The following TBC1D19 variants were observed in gnomAD, a reference collection of about 807,000 sequenced individuals.
The protein encoded by TBC1D19 is TBC1 domain family, member 19.
Under a neutral mutation model 89.0 loss-of-function variants are expected in TBC1D19, and 60 were observed. The observed-to-expected ratio is 0.67, with a 90% CI of 0.55 to 0.84. The LOEUF is 0.84. Ranked by LOEUF, TBC1D19 falls within the 40% of genes least tolerant of loss-of-function variation. The pLI, the probability that TBC1D19 is intolerant of heterozygous loss-of-function variation, is 0.00. For synonymous variants in TBC1D19, 189 were observed against 199.7 expected, an observed-to-expected ratio of 0.95 and a Z score of 0.45; for missense variants, 500 against 610.8, an observed-to-expected ratio of 0.82 and a Z score of 1.91.
intron 13 of TBC1D19, among the ~76,000 whole-genome samples, chr4:26,703,959 T>TGA (rs1715534180): frequency 1.1e-4 from 1 of 8,984 alleles, no homozygotes; most frequent in Non-Finnish European, 3.0e-4. Flanking sequence ...AGACTCCGTC[T>TGA]CAAAAAAAAA....
At chr4:26,637,785 T>C (rs865827988) in intron 5 of TBC1D19, among the ~76,000 whole-genome samples, 7 of 152,322 alleles carry the variant, frequency 4.6e-5, no homozygotes, top group Middle Eastern at 3.4e-3. Context: ...TAATAATTAT[T>C]ATAACAAACC....
intron 1 of TBC1D19, among the ~76,000 whole-genome samples, chr4:26,590,554 C>G (rs893498123): frequency 1.3e-5 from 2 of 151,974 alleles, no homozygotes; most frequent in South Asian, 4.2e-4. Context: ...AAGAATTCTT[C>G]AATGAAGCCT....
At chr4:26,640,274 T>C in intron 7 of TBC1D19, 87 bp downstream of exon 7, 1 of 1,141,492 alleles carries the variant, frequency 8.8e-7, no homozygotes, top group Non-Finnish European at 1.3e-6. Flanking sequence ...GGCAGAGGGA[T>C]TAGCATGTAA....
chr4:26,762,349 T>G, the TBC1D19 span, among the ~76,000 whole-genome samples: 1 of 152,234 alleles, frequency 6.6e-6, no homozygotes, highest in African/African-American at 2.4e-5. Context: ...AATTACTTAT[T>G]CAACTATTCT....
the TBC1D19 span, among the ~76,000 whole-genome samples, chr4:26,779,190 G>A: frequency 6.6e-6 from 1 of 152,156 alleles, no homozygotes; most frequent in Admixed American, 6.5e-5. Context: ...AAAAGTTTCT[G>A]GAGTTAAATG....
At chr4:26,606,313 AG>A (rs1238216200) in intron 1 of TBC1D19, among the ~76,000 whole-genome samples, 1 of 152,236 alleles carries the variant, frequency 6.6e-6, no homozygotes, top group Admixed American at 6.5e-5. Flanking sequence ...CAGGGTGGTA[AG>A]AAGGCTCTGT....
At chr4:26,589,343 A>G (rs78004081) in intron 1 of TBC1D19, among the ~76,000 whole-genome samples, 197 of 152,304 alleles carry the variant, frequency 1.3e-3, no homozygotes, top group Non-Finnish European at 5.3e-4. Context: ...TGTGCTTGGC[A>G]TAGATCTTAG....
chr4:26,651,650 A>G (rs1298167684), intron 7 of TBC1D19, among the ~76,000 whole-genome samples: 1 of 152,176 alleles, frequency 6.6e-6, no homozygotes, highest in African/African-American at 2.4e-5. Context: ...CAATCATGAC[A>G]TCTGCAAACA....
the TBC1D19 span, among the ~76,000 whole-genome samples, chr4:26,778,925 C>T: frequency 6.6e-6 from 1 of 152,278 alleles, no homozygotes; most frequent in East Asian, 1.9e-4. Context: ...ATTCCTGATA[C>T]CCAAGCCACA....
At chr4:26,735,518 A>G in intron 16 of TBC1D19, 31 bp downstream of exon 16, 2 of 1,531,666 alleles carry the variant, frequency 1.3e-6, no homozygotes, top group East Asian at 4.6e-5. Context: ...ATCATAATGT[A>G]CACAAAACAT....
chr4:26,783,994 T>C, the TBC1D19 span, among the ~76,000 whole-genome samples: 2 of 152,128 alleles, frequency 1.3e-5, no homozygotes, highest in African/African-American at 2.4e-5. Flanking sequence ...TCAAGTTTCT[T>C]TGTTGGTCAC....
chr4:26,790,239 G>T, the TBC1D19 span, among the ~76,000 whole-genome samples: 3 of 152,150 alleles, frequency 2.0e-5, no homozygotes, highest in Non-Finnish European at 4.4e-5. Flanking sequence ...GCTGGCTGAG[G>T]TTACTTCAGA....
chr4:26,825,183 C>A, the TBC1D19 span, among the ~76,000 whole-genome samples: 1 of 151,958 alleles, frequency 6.6e-6, no homozygotes, highest in African/African-American at 2.4e-5. Flanking sequence ...ACTACAACCT[C>A]CAGCTCCCTG....
At chr4:26,836,909 A>G in the TBC1D19 span, among the ~76,000 whole-genome samples, 1 of 152,202 alleles carries the variant, frequency 6.6e-6, no homozygotes, top group Non-Finnish European at 1.5e-5. Context: ...CAAACCTCCC[A>G]GCACCTTGGA....
At chr4:26,631,479 T>A (rs371951387) in intron 4 of TBC1D19, among the ~76,000 whole-genome samples, 2 of 152,246 alleles carry the variant, frequency 1.3e-5, no homozygotes, top group Non-Finnish European at 2.9e-5. Context: ...GCTAAATCAA[T>A]GTATTTTCAT....
intron 4 of TBC1D19, among the ~76,000 whole-genome samples, chr4:26,636,659 A>G: frequency 6.6e-6 from 1 of 152,012 alleles, no homozygotes; most frequent in East Asian, 1.9e-4. Flanking sequence ...TATATGGACT[A>G]AGTATGACAT....
intron 13 of TBC1D19, among the ~76,000 whole-genome samples, chr4:26,699,895 G>A (rs1715169138): frequency 6.6e-6 from 1 of 151,968 alleles, no homozygotes; most frequent in East Asian, 1.9e-4. Context: ...GAAAGCATTA[G>A]GAGATATACC....
chr4:26,796,459 T>C, the TBC1D19 span, among the ~76,000 whole-genome samples: 3 of 152,166 alleles, frequency 2.0e-5, no homozygotes, highest in Non-Finnish European at 4.4e-5. Flanking sequence ...TAATGTGTAT[T>C]TTTTTTCCCA....
chr4:26,852,285 G>C, the TBC1D19 span, among the ~76,000 whole-genome samples: 1 of 152,186 alleles, frequency 6.6e-6, no homozygotes, highest in Non-Finnish European at 1.5e-5. Context: ...TGGGTGTGGT[G>C]GCTCACACCT....
Sources: allele counts gnomAD v4.1 joint callset (sites outside exome capture counted in the v4.1 genomes callset), GRCh38; gene constraint gnomAD v4.1.1; transcripts MANE v1.5; gene names NCBI Gene and HGNC (gene_info 2026-07-23, HGNC 2026-07-21).